Variants in PSD3 observed in about 807,000 individuals in gnomAD.
The protein encoded by PSD3 is PH and SEC7 domain-containing protein 3.
A neutral mutation model predicts 105.5 loss-of-function variants in PSD3; 49 were observed. The ratio of observed to expected loss-of-function variants is 0.46; its 90% CI spans 0.37 to 0.59. The LOEUF (loss-of-function observed/expected upper bound fraction) is 0.59. PSD3 is among the 20% of genes least tolerant of loss of function. PSD3 has a pLI of 0.00. For synonymous variants in PSD3, 557 were observed against 457.8 expected, an observed-to-expected ratio of 1.22 and a Z score of -2.77; for missense variants, 1,561 against 1,263.8, an observed-to-expected ratio of 1.24 and a Z score of -3.57.
At chr8:18,678,248 G>A (rs1425505062) in intron 9 of PSD3, among the ~76,000 whole-genome samples, 1 of 152,088 alleles carries the variant, frequency 6.6e-6, no homozygotes, top group African/African-American at 2.4e-5. Flanking sequence ...GGAGGATGTT[G>A]ATATTTTGAC....
chr8:18,692,721 G>C (rs571204622), intron 9 of PSD3, among the ~76,000 whole-genome samples: 19 of 152,272 alleles, frequency 1.2e-4, no homozygotes, highest in Non-Finnish European at 2.5e-4. Flanking sequence ...TTGGCTAGCT[G>C]CAAGAATTGT....
At chr8:18,784,090 C>T (rs78820070) in intron 8 of PSD3, among the ~76,000 whole-genome samples, 2 of 152,152 alleles carry the variant, frequency 1.3e-5, no homozygotes, top group African/African-American at 2.4e-5. Flanking sequence ...TTTTCAATCC[C>T]TTTTTGCGAA....
intron 10 of PSD3, 133 bp downstream of exon 10, chr8:18,655,509 G>A (rs1378829516): frequency 1.7e-5 from 14 of 841,312 alleles, no homozygotes; most frequent in Non-Finnish European, 2.3e-5. Flanking sequence ...CACAAAGTAG[G>A]TAAGACACTT....
chr8:18,856,456 C>T (rs1816014987), intron 4 of PSD3, among the ~76,000 whole-genome samples: 1 of 152,210 alleles, frequency 6.6e-6, no homozygotes, highest in Non-Finnish European at 1.5e-5. Context: ...ACAGAAGAGA[C>T]AGGCCTGTAG....
intron 1 of PSD3, among the ~76,000 whole-genome samples, chr8:19,070,219 C>T (rs17127779): frequency 0.29 from 44,145 of 151,684 alleles, 6,781 homozygotes; most frequent in South Asian, 0.36. Context: ...CTGTAGATAG[C>T]ATTCGTTTTT....
chr8:19,056,420 T>C (rs1828711679), intron 1 of PSD3, among the ~76,000 whole-genome samples: 2 of 152,176 alleles, frequency 1.3e-5, no homozygotes, highest in South Asian at 4.1e-4. Context: ...GTTGTACAAT[T>C]ATAAAGAAAA....
At chr8:18,676,665 C>G (rs1800081127) in intron 9 of PSD3, among the ~76,000 whole-genome samples, 1 of 152,194 alleles carries the variant, frequency 6.6e-6, no homozygotes, top group African/African-American at 2.4e-5. Context: ...ATAACTATTA[C>G]AACCAGATAT....
chr8:18,837,049 G>A (rs1229812299), intron 4 of PSD3, among the ~76,000 whole-genome samples: 5 of 151,888 alleles, frequency 3.3e-5, no homozygotes, highest in Non-Finnish European at 7.4e-5. Flanking sequence ...ATATCCAGAA[G>A]GAGAGAAAGG....
intron 2 of PSD3, among the ~76,000 whole-genome samples, chr8:18,927,104 G>A (rs971939977): frequency 6.6e-6 from 1 of 152,158 alleles, no homozygotes; most frequent in African/African-American, 2.4e-5. Flanking sequence ...CATATGGTAT[G>A]TATGGGAAAA....
intron 8 of PSD3, among the ~76,000 whole-genome samples, chr8:18,792,731 C>A (rs1809838024): frequency 6.6e-6 from 1 of 152,126 alleles, no homozygotes; most frequent in Admixed American, 6.5e-5. Flanking sequence ...GTTGGTGGGA[C>A]TGTAAACTAG....
At chr8:18,962,789 T>C (rs1392284954) in intron 1 of PSD3, among the ~76,000 whole-genome samples, 1 of 152,198 alleles carries the variant, frequency 6.6e-6, no homozygotes, top group African/African-American at 2.4e-5. Flanking sequence ...AACTTTATCT[T>C]GCCACACTAA....
intron 9 of PSD3, among the ~76,000 whole-genome samples, chr8:18,675,239 T>C (rs1339404945): frequency 6.6e-6 from 1 of 152,154 alleles, no homozygotes; most frequent in Non-Finnish European, 1.5e-5. Context: ...CATGAGCCAC[T>C]GGGGCACCAG....
intron 10 of PSD3, among the ~76,000 whole-genome samples, chr8:18,642,983 T>A (rs930272237): frequency 1.3e-5 from 2 of 152,190 alleles, no homozygotes; most frequent in Admixed American, 6.5e-5. Context: ...ATGCTTTAGG[T>A]TCTTGATAAA....
At chr8:18,836,126 C>T (rs915985358) in intron 4 of PSD3, among the ~76,000 whole-genome samples, 1 of 152,104 alleles carries the variant, frequency 6.6e-6, no homozygotes, top group Non-Finnish European at 1.5e-5. Context: ...GGAGACCTAG[C>T]GAAATCACCT....
chr8:18,893,583 C>G (rs1260102584), intron 2 of PSD3, among the ~76,000 whole-genome samples: 1 of 152,026 alleles, frequency 6.6e-6, no homozygotes, highest in Non-Finnish European at 1.5e-5. Flanking sequence ...CATTCCACCT[C>G]TCTGTAGGGA....
At chr8:18,867,285 T>C (rs1817012071) in intron 4 of PSD3, among the ~76,000 whole-genome samples, 1 of 152,196 alleles carries the variant, frequency 6.6e-6, no homozygotes, top group Non-Finnish European at 1.5e-5. Context: ...ATCTCTGAGC[T>C]AATCAAACAA....
rs541689402 is a variant in PSD3, at chr8:18,921,349, C to T, written c.130+14685G>A. Among the ~76,000 whole-genome samples, 239 of 152,310 alleles carry T rather than the reference C, an allele frequency of 1.6e-3. 1 individual carries two copies. Among genetic ancestry groups the T allele is most frequent in the Middle Eastern group, 3.4e-3 (1 of 294 alleles). On this transcript the variant is annotated intron_variant, in intron 2 of 15. Transcript: ENST00000327040. ...TTATCTTTTAAAACACAATGGTTCTCGAGCCTGTATGTGCATGACAACAAA... is the reference window on the plus strand; with the variant it reads ...TTATCTTTTAAAACACAATGGTTCTTGAGCCTGTATGTGCATGACAACAAA...
chr8:18,743,017 T>C (rs967957305), intron 9 of PSD3, among the ~76,000 whole-genome samples: 7 of 152,224 alleles, frequency 4.6e-5, no homozygotes, highest in African/African-American at 1.7e-4. Context: ...CACTATGCGA[T>C]GCCTTTAGCT....
intron 11 of PSD3, among the ~76,000 whole-genome samples, chr8:18,626,839 C>T (rs139356626): frequency 1.4e-4 from 21 of 152,162 alleles, no homozygotes; most frequent in East Asian, 7.7e-4. Context: ...GGGAAGGAAA[C>T]GAAAGCTTTT....
Sources: allele counts gnomAD v4.1 joint callset (sites outside exome capture counted in the v4.1 genomes callset), GRCh38; gene constraint gnomAD v4.1.1; transcripts MANE v1.5; gene names NCBI Gene and HGNC (gene_info 2026-07-23, HGNC 2026-07-21).